KCNIP4: variants seen among roughly 807,000 people sequenced by gnomAD.
The protein encoded by KCNIP4 is Kv channel-interacting protein 4.
A neutral mutation model predicts 34.0 loss-of-function variants in KCNIP4; 12 were observed. The ratio of observed to expected loss-of-function variants is 0.35; its 90% CI spans 0.23 to 0.57. KCNIP4 has a LOEUF of 0.57. Among genes scored for constraint, KCNIP4 ranks in the 20% least tolerant of loss-of-function variants. The probability of loss-of-function intolerance (pLI) is 0.83; values close to 1 mark genes in which losing one functional copy is unlikely to be tolerated. For synonymous variants in KCNIP4, 124 were observed against 102.2 expected, an observed-to-expected ratio of 1.21 and a Z score of -1.29; for missense variants, 238 against 311.7, an observed-to-expected ratio of 0.76 and a Z score of 1.78.
At chr4:21,331,618 T>C (rs1715643763) in intron 1 of KCNIP4, among the ~76,000 whole-genome samples, 1 of 152,062 alleles carries the variant, frequency 6.6e-6, no homozygotes, top group Non-Finnish European at 1.5e-5. Flanking sequence ...TTGATATGTG[T>C]CAGGTCTTAT....
chr4:21,393,321 T>C (rs529913987), intron 1 of KCNIP4, among the ~76,000 whole-genome samples: 3 of 152,278 alleles, frequency 2.0e-5, no homozygotes, highest in South Asian at 4.2e-4. Flanking sequence ...AGTTTTTTTT[T>C]CAATGAATTT....
rs539866594 is a variant in KCNIP4 at position 20,925,041 on chromosome 4, T to G, written c.62-42332A>C. Among the ~76,000 whole-genome samples, 6 of 104,036 alleles carry G rather than the reference T, an allele frequency of 5.8e-5. No homozygotes were observed. The South Asian group carries it at 1.7e-3, about 30-fold the overall frequency. 68.3% of individuals were successfully genotyped at this position (104,036 alleles called of 152,430 possible). A position where few individuals can be genotyped will look rare whatever the true frequency, so the allele number is the denominator to read the frequency against. ...TGATTTGCTAAATTATTTTAACAACTTTTTTGAAATGTGAAAATGGTCTGA... is the reference window on the plus strand; with the variant it reads ...TGATTTGCTAAATTATTTTAACAACGTTTTTGAAATGTGAAAATGGTCTGA... On this transcript the variant is annotated intron_variant, in intron 1 of 8. Coordinates refer to ENST00000382152, the MANE Select transcript of KCNIP4 (RefSeq NM_025221.6).
chr4:21,664,783 A>G (rs1748712045), intron 1 of KCNIP4, among the ~76,000 whole-genome samples: 1 of 152,112 alleles, frequency 6.6e-6, no homozygotes, highest in Non-Finnish European at 1.5e-5. Flanking sequence ...TTAAATGCCT[A>G]TGGACTATTT....
intron 3 of KCNIP4, among the ~76,000 whole-genome samples, chr4:20,819,108 T>C (rs1716783884): frequency 6.6e-6 from 1 of 152,004 alleles, no homozygotes; most frequent in East Asian, 1.9e-4. Flanking sequence ...GGTTTTGAAC[T>C]CTCGACCTCC....
intron 1 of KCNIP4, among the ~76,000 whole-genome samples, chr4:21,187,558 G>A (rs1755326335): frequency 6.6e-6 from 1 of 152,152 alleles, no homozygotes; most frequent in Admixed American, 6.5e-5. Flanking sequence ...AGGGAAATGC[G>A]TGAAAAGGTT....
At chr4:21,013,645 G>C (rs1739258161) in intron 1 of KCNIP4, among the ~76,000 whole-genome samples, 1 of 152,102 alleles carries the variant, frequency 6.6e-6, no homozygotes, top group African/African-American at 2.4e-5. Flanking sequence ...TTTTACACAA[G>C]ATAAAGCTTC....
intron 1 of KCNIP4, among the ~76,000 whole-genome samples, chr4:21,512,200 C>CGAAGGAAGGAAG (rs1411979812): frequency 2.5e-4 from 9 of 36,090 alleles, no homozygotes; most frequent in Admixed American, 5.5e-4. Context: ...AAGGAACGAA[C>CGAAGGAAGGAAG]GAAGGAAGGA....
chr4:21,133,260 A>C (rs1431669161), intron 1 of KCNIP4, among the ~76,000 whole-genome samples: 1 of 152,238 alleles, frequency 6.6e-6, no homozygotes, highest in Non-Finnish European at 1.5e-5. Flanking sequence ...TTAATGCTTT[A>C]TTTTCAAAAC....
chr4:21,290,060 A>C (rs1350657507), intron 1 of KCNIP4, among the ~76,000 whole-genome samples: 3 of 152,200 alleles, frequency 2.0e-5, no homozygotes, highest in Non-Finnish European at 2.9e-5. Flanking sequence ...TAGGCAAAAC[A>C]TCAAAATCCT....
chr4:20,884,234 GT>G (rs995638477), intron 1 of KCNIP4, among the ~76,000 whole-genome samples: 1 of 152,266 alleles, frequency 6.6e-6, no homozygotes, highest in Admixed American at 6.5e-5. Flanking sequence ...TTTACTTTAA[GT>G]TCTGGGATAC....
chr4:21,065,311 C>T (rs1744252923), intron 1 of KCNIP4, among the ~76,000 whole-genome samples: 1 of 152,036 alleles, frequency 6.6e-6, no homozygotes, highest in African/African-American at 2.4e-5. Context: ...TCTGGCACAG[C>T]CTTGGCTGGG....
At chr4:21,688,451 T>C (rs1168679184) in intron 1 of KCNIP4, among the ~76,000 whole-genome samples, 3 of 152,158 alleles carry the variant, frequency 2.0e-5, no homozygotes, top group African/African-American at 7.2e-5. Context: ...AAGATACTGA[T>C]CTACCTGAGA....
chr4:20,942,821 A>G (rs200427816), intron 1 of KCNIP4, among the ~76,000 whole-genome samples: 2 of 151,922 alleles, frequency 1.3e-5, no homozygotes, highest in Non-Finnish European at 2.9e-5. Context: ...ACAGGCGCAC[A>G]CCACCATGCC....
At chr4:21,702,910 G>C (rs1407550926) in intron 1 of KCNIP4, among the ~76,000 whole-genome samples, 1 of 151,932 alleles carries the variant, frequency 6.6e-6, no homozygotes, top group East Asian at 1.9e-4. Context: ...ATTATAGTCA[G>C]GTAGAGTTCA....
chr4:21,521,318 A>C (rs937872376), intron 1 of KCNIP4, among the ~76,000 whole-genome samples: 1 of 152,194 alleles, frequency 6.6e-6, no homozygotes, highest in African/African-American at 2.4e-5. Context: ...GGGGCCAATG[A>C]TAGAATAGTC....
chr4:21,654,602 C>T lies in KCNIP4; in HGVS notation c.61+293969G>A, dbSNP rs186242523. 5.6e-3 allele frequency among the ~76,000 whole-genome samples: 851 copies of T among 152,092 alleles called. 6 individuals carry two copies. Among genetic ancestry groups the T allele is most frequent in the Middle Eastern group, 0.017 (5 of 294 alleles). On this transcript the variant is annotated intron_variant, in intron 1 of 8. Transcript: ENST00000382152. ...CCCAAGTACCTGGGGAAACACTGGG[C>T]TCATAGCAAGTGTTAAGTAAATGTT...
In KCNIP4 at chr4:20,819,467, G is replaced by A. The variant is rs1560488752; in HGVS notation, c.288+31076C>T. Among the ~76,000 whole-genome samples the A allele has an allele frequency of 3.3e-5, 5 of 152,130 alleles. No individual in the cohort carries two copies. The South Asian group carries it at 6.2e-4, about 19-fold the overall frequency. ...AGAAATGGTCTGGTAGGCTAGGGGTGGGCAGGGGGGATTTCGGAGCTATCT... is the reference window on the plus strand; with the variant it reads ...AGAAATGGTCTGGTAGGCTAGGGGTAGGCAGGGGGGATTTCGGAGCTATCT... On this transcript the variant is annotated intron_variant, in intron 3 of 8. Transcript: ENST00000382152.
At chr4:21,282,330 A>G (rs1762827595) in intron 1 of KCNIP4, among the ~76,000 whole-genome samples, 1 of 152,216 alleles carries the variant, frequency 6.6e-6, no homozygotes, top group African/African-American at 2.4e-5. Context: ...CCATAAAGAG[A>G]TAACTACAAA....
chr4:20,788,584 G>A (rs1578621111), intron 3 of KCNIP4, among the ~76,000 whole-genome samples: 1 of 152,126 alleles, frequency 6.6e-6, no homozygotes, highest in South Asian at 2.1e-4. Context: ...GTTACTGAAA[G>A]CAAAGAATCA....
Sources: allele counts gnomAD v4.1 joint callset (sites outside exome capture counted in the v4.1 genomes callset), GRCh38; gene constraint gnomAD v4.1.1; transcripts MANE v1.5; gene names NCBI Gene and HGNC (gene_info 2026-07-23, HGNC 2026-07-21).